The following ABCA13 variants were observed in gnomAD, a reference collection of about 807,000 sequenced individuals.
ABCA13 encodes the protein ATP binding cassette subfamily A member 13.
A neutral mutation model predicts 478.7 loss-of-function variants in ABCA13; 476 were observed. The ratio of observed to expected loss-of-function variants is 0.99; its 90% CI spans 0.92 to 1.07. The LOEUF (loss-of-function observed/expected upper bound fraction) is 1.07, where lower values mean the gene tolerates loss of function less well. Ranked by LOEUF, ABCA13 falls within the 50% of genes least tolerant of loss-of-function variation. ABCA13 has a pLI of 0.00. For missense variants in ABCA13, 6,060 were observed against 5,910.6 expected (o/e 1.03, Z -0.83); for synonymous variants, 2,252 against 2,158.9 (o/e 1.04, Z -1.20).
intron 15 of ABCA13, among the ~76,000 whole-genome samples, chr7:48,254,514 C>G (rs1482846938): frequency 6.6e-6 from 1 of 152,116 alleles, no homozygotes; most frequent in Admixed American, 6.6e-5. Flanking sequence ...AAGAGATTCT[C>G]CTGCCTTGGA....
Position 48,506,389 on chromosome 7 carries a change from A to T in ABCA13, c.13345A>T (p.Ile4449Phe). 2 of 1,613,702 alleles carry T rather than the reference A, an allele frequency of 1.2e-6. No individual in the cohort carries two copies. The highest frequency in any genetic ancestry group is 2.2e-5 in the South Asian group (2 of 91,064). Residue 4449 changes from isoleucine to phenylalanine, a missense_variant and splice_region_variant, in exon 49 of 62, where the codon ATC (isoleucine) becomes TTC (phenylalanine). Transcript: ENST00000435803. ...AGGGGCCTTGCTGAACGAGGACAAG[A>T]TGTGAGTTGATGGAATGCTGAGGGG... ...YGGALLNEDK[I>F]LESIRQCGVA...
chr7:48,610,635 T>A (rs577347131), intron 58 of ABCA13, among the ~76,000 whole-genome samples: 65 of 152,306 alleles, frequency 4.3e-4, no homozygotes, highest in Admixed American at 1.9e-3. Context: ...TGCAGCAGAC[T>A]TCTGTTTGGA....
intron 39 of ABCA13, among the ~76,000 whole-genome samples, chr7:48,407,176 A>G (rs1430903475): frequency 6.6e-6 from 1 of 152,098 alleles, no homozygotes; most frequent in Non-Finnish European, 1.5e-5. Flanking sequence ...CCTCGGATCA[A>G]AAATATTCAG....
At chr7:48,620,766 G>T (rs1586009751) in intron 59 of ABCA13, among the ~76,000 whole-genome samples, 1 of 152,300 alleles carries the variant, frequency 6.6e-6, no homozygotes, top group East Asian at 1.9e-4. Flanking sequence ...GCTAAGAGGA[G>T]GCAGGTGTAT....
At chr7:48,362,221 C>T (rs1262158806) in intron 31 of ABCA13, among the ~76,000 whole-genome samples, 1 of 150,292 alleles carries the variant, frequency 6.7e-6, no homozygotes, top group Non-Finnish European at 1.5e-5. Flanking sequence ...ATTATACTCC[C>T]TTATTACTTG....
intron 27 of ABCA13, among the ~76,000 whole-genome samples, chr7:48,335,117 G>A (rs1806046409): frequency 6.6e-6 from 1 of 152,212 alleles, no homozygotes; most frequent in South Asian, 2.1e-4. Context: ...ATGTGGGCAA[G>A]CATTGATTAA....
intron 25 of ABCA13, 148 bp downstream of exon 25, chr7:48,313,379 C>A: frequency 2.5e-6 from 2 of 804,264 alleles, no homozygotes; most frequent in Non-Finnish European, 3.8e-6. Flanking sequence ...TCTCTGGAAG[C>A]AACAGCATAA....
chr7:48,439,664 A>G (rs1210904393), intron 42 of ABCA13, among the ~76,000 whole-genome samples: 2 of 152,170 alleles, frequency 1.3e-5, no homozygotes, highest in Non-Finnish European at 2.9e-5. Context: ...GCTCAAAAAC[A>G]GGCACAATCA....
intron 19 of ABCA13, among the ~76,000 whole-genome samples, chr7:48,286,454 T>G (rs1797753962): frequency 6.6e-6 from 1 of 152,096 alleles, no homozygotes; most frequent in African/African-American, 2.4e-5. Context: ...GATGGGCTTC[T>G]TTCACTTAGT....
intron 3 of ABCA13, among the ~76,000 whole-genome samples, chr7:48,204,280 G>A (rs1784626621): frequency 6.6e-6 from 1 of 151,672 alleles, no homozygotes; most frequent in Non-Finnish European, 1.5e-5. Context: ...TGCGATCTCG[G>A]CTCACTGCAA....
At chr7:48,547,279 C>T (rs1042431961) in intron 55 of ABCA13, among the ~76,000 whole-genome samples, 2 of 151,906 alleles carry the variant, frequency 1.3e-5, no homozygotes, top group African/African-American at 4.8e-5. Context: ...CACTGGTTTT[C>T]TATGCCAGCA....
chr7:48,171,778 G>C (rs1482240775), intron 1 of ABCA13, among the ~76,000 whole-genome samples: 2 of 152,144 alleles, frequency 1.3e-5, no homozygotes, highest in Non-Finnish European at 2.9e-5. Flanking sequence ...ATCAGAAAAG[G>C]GCAAATTTAG....
chr7:48,577,563 A>G (rs1788300947), intron 55 of ABCA13, among the ~76,000 whole-genome samples: 2 of 152,164 alleles, frequency 1.3e-5, no homozygotes, highest in African/African-American at 4.8e-5. Context: ...ATAGGTATAT[A>G]TCATTGAAAG....
chr7:48,574,020 A>G (rs1429119232), intron 55 of ABCA13, among the ~76,000 whole-genome samples: 1 of 152,050 alleles, frequency 6.6e-6, no homozygotes, highest in Admixed American at 6.6e-5. Context: ...CCACCATAGT[A>G]GCCTCATTTG....
chr7:48,575,405 G>T lies in ABCA13; in HGVS notation c.14355-4819G>T, dbSNP rs1788069407. Among the ~76,000 whole-genome samples, 18 of 152,272 alleles carry T rather than the reference G, an allele frequency of 1.2e-4. No homozygotes were observed. The South Asian group carries it at 3.7e-3, about 32-fold the overall frequency. ...CATGATAAATGTGCTAGCTGAATTT[G>T]AAAGATAGGAGAATATGGATGTAAT... On this transcript the variant is annotated intron_variant, in intron 55 of 61. Coordinates refer to ENST00000435803, the MANE Select transcript of ABCA13 (RefSeq NM_152701.5).
chr7:48,261,246 TA>T (rs1794135924), intron 15 of ABCA13, among the ~76,000 whole-genome samples: 1 of 152,092 alleles, frequency 6.6e-6, no homozygotes, highest in Middle Eastern at 3.4e-3. Flanking sequence ...GGAAGAACTT[TA>T]TTTAGTTTAT....
At chr7:48,513,162 T>C (rs1224888011) in intron 51 of ABCA13, among the ~76,000 whole-genome samples, 2 of 152,268 alleles carry the variant, frequency 1.3e-5, no homozygotes, top group East Asian at 3.9e-4. Flanking sequence ...ATGCCTGCTG[T>C]CCTTCTAAGG....
At chr7:48,439,630 AC>A (rs1415294743) in intron 42 of ABCA13, among the ~76,000 whole-genome samples, 2 of 152,180 alleles carry the variant, frequency 1.3e-5, no homozygotes, top group Non-Finnish European at 2.9e-5. Context: ...CTTTTGTAAT[AC>A]TATATAATTC....
chr7:48,358,522 T>A (rs1355752945), intron 31 of ABCA13, among the ~76,000 whole-genome samples: 1 of 151,990 alleles, frequency 6.6e-6, no homozygotes, highest in Non-Finnish European at 1.5e-5. Flanking sequence ...TTGCTCTGCC[T>A]CTGGTAAATT....
Sources: allele counts gnomAD v4.1 joint callset (sites outside exome capture counted in the v4.1 genomes callset), GRCh38; gene constraint gnomAD v4.1.1; transcripts MANE v1.5; gene names NCBI Gene and HGNC (gene_info 2026-07-23, HGNC 2026-07-21).